The following LHX8 variants were observed in gnomAD, a reference collection of about 807,000 sequenced individuals.
The protein encoded by LHX8 is LIM/homeobox protein Lhx8.
A neutral mutation model predicts 40.3 loss-of-function variants in LHX8; 12 were observed. The ratio of observed to expected loss-of-function variants is 0.30; its 90% confidence interval spans 0.19 to 0.48. The LOEUF (loss-of-function observed/expected upper bound fraction) is 0.48. LHX8 is among the 20% of genes least tolerant of loss of function. LHX8 has a pLI of 0.99. For missense variants in LHX8, 344 were observed against 433.7 expected (o/e 0.79, Z 1.84); for synonymous variants, 179 against 162.0 (o/e 1.10, Z -0.80).
chr1:75,193,728 C>G, the LHX8 span, among the ~76,000 whole-genome samples: 2 of 152,186 alleles, frequency 1.3e-5, no homozygotes, highest in South Asian at 2.1e-4. Flanking sequence ...TAACTAGCTA[C>G]TTTGAGGATG....
the LHX8 span, among the ~76,000 whole-genome samples, chr1:75,184,037 G>A: frequency 4.6e-5 from 7 of 152,158 alleles, no homozygotes; most frequent in Non-Finnish European, 8.8e-5. Context: ...AAGAGGTCAT[G>A]ACAATAATGG....
the LHX8 span, among the ~76,000 whole-genome samples, chr1:75,188,536 T>A: frequency 1.3e-5 from 2 of 152,262 alleles, no homozygotes; most frequent in African/African-American, 4.8e-5. Flanking sequence ...AGCTTCACAG[T>A]TCTCTCTCTT....
At chr1:75,186,021 A>G in the LHX8 span, among the ~76,000 whole-genome samples, 1 of 152,206 alleles carries the variant, frequency 6.6e-6, no homozygotes, top group African/African-American at 2.4e-5. Context: ...GAGAATTACA[A>G]AACAATGCTC....
At chr1:75,163,404 A>T (rs1262179972), downstream of LHX8, among the ~76,000 whole-genome samples, 1 of 152,160 alleles carries the variant, frequency 6.6e-6, no homozygotes, top group African/African-American at 2.4e-5. Context: ...CAGTTAGCAA[A>T]AGTAATGTTT....
At chr1:75,139,486 C>T (rs528271251) in intron 3 of LHX8, among the ~76,000 whole-genome samples, 1 of 152,140 alleles carries the variant, frequency 6.6e-6, no homozygotes, top group South Asian at 2.1e-4. Flanking sequence ...GATTGAAATA[C>T]AGAAGGCCCT....
chr1:75,189,159 G>A, the LHX8 span, among the ~76,000 whole-genome samples: 2 of 152,146 alleles, frequency 1.3e-5, no homozygotes, highest in African/African-American at 4.8e-5. Flanking sequence ...TATCTTTATA[G>A]GGAACAGCTG....
intron 3 of LHX8, among the ~76,000 whole-genome samples, chr1:75,139,500 C>T (rs1404149271): frequency 6.6e-6 from 1 of 152,052 alleles, no homozygotes; most frequent in Non-Finnish European, 1.5e-5. Flanking sequence ...AGGCCCTAAA[C>T]AGTGGAATTT....
chr1:75,159,035 CT>C (rs1440465696), intron 8 of LHX8, among the ~76,000 whole-genome samples: 1 of 152,012 alleles, frequency 6.6e-6, no homozygotes, highest in Non-Finnish European at 1.5e-5. Flanking sequence ...TTAGACTTTT[CT>C]GTTTAGTAAT....
the LHX8 span, among the ~76,000 whole-genome samples, chr1:75,169,126 G>T: frequency 6.6e-6 from 1 of 152,082 alleles, no homozygotes; most frequent in African/African-American, 2.4e-5. Flanking sequence ...TCACACCCAT[G>T]CACCCCATTA....
At chr1:75,148,948 T>C (rs577442837) in intron 7 of LHX8, among the ~76,000 whole-genome samples, 2 of 152,334 alleles carry the variant, frequency 1.3e-5, no homozygotes, top group Admixed American at 1.3e-4. Context: ...TGTGAAAACA[T>C]TGCTTTTTCA....
chr1:75,173,862 A>G, the LHX8 span, among the ~76,000 whole-genome samples: 8 of 152,184 alleles, frequency 5.3e-5, no homozygotes, highest in African/African-American at 1.7e-4. Context: ...CTTTCCAACC[A>G]TGGTAGCTTC....
Position 75,134,750 on chromosome 1 carries a change from A to G in LHX8, c.-217A>G. 5.7e-6 allele frequency: 1 copy of G among 175,652 alleles called. No homozygotes were observed. The highest frequency in any genetic ancestry group is 1.1e-5 in the Non-Finnish European group (1 of 89,140). 10.9% of individuals were successfully genotyped at this position (175,652 alleles called of 1,614,324 possible). On this transcript the variant is annotated 5_prime_UTR_variant, in exon 1 of 9. Coordinates refer to ENST00000356261, the MANE Select transcript of LHX8 (RefSeq NM_001256114.2). Reference sequence around the variant, plus strand: ...ACCAGCTGAATCGCAGTGTCCTTGAAACTCGAGTTGTTTGGGCTCCTAAAC... The same window carrying G: ...ACCAGCTGAATCGCAGTGTCCTTGAGACTCGAGTTGTTTGGGCTCCTAAAC...
intron 2 of LHX8, 151 bp downstream of exon 2, chr1:75,136,840 G>GA: frequency 2.2e-6 from 1 of 448,660 alleles, no homozygotes; most frequent in Non-Finnish European, 4.2e-6. Flanking sequence ...GGTGGGGTGG[G>GA]AAGCTTAGCT....
the LHX8 span, among the ~76,000 whole-genome samples, chr1:75,186,706 G>A: frequency 3.3e-5 from 5 of 152,212 alleles, no homozygotes; most frequent in East Asian, 7.7e-4. Flanking sequence ...TAGCTTCCAA[G>A]GCAGCTTTGA....
intron 4 of LHX8, 120 bp from the exon 5 acceptor site, chr1:75,142,998 C>G (rs1458481031): frequency 2.6e-6 from 2 of 772,982 alleles, no homozygotes; most frequent in African/African-American, 1.7e-5. Context: ...TTCATTCTCA[C>G]AATATTTAAA....
At chr1:75,130,661 G>A, upstream of LHX8, 1 of 1,533,994 alleles carries the variant, frequency 6.5e-7, no homozygotes, top group Non-Finnish European at 9.0e-7. Flanking sequence ...CGGAGTCTGG[G>A]ACCGGTAAGT....
In LHX8 at chr1:75,137,122, A is replaced by G. The variant is rs373338242; in HGVS notation, c.98A>G (p.Asp33Gly). The G allele has an allele frequency of 3.0e-5, 48 of 1,607,478 alleles. No homozygotes were observed. Among genetic ancestry groups the G allele is most frequent in the Middle Eastern group, 1.9e-4 (1 of 5,386 alleles). Residue 33 changes from aspartate to glycine, a missense_variant, in exon 3 of 9, where the codon GAC becomes GGC. Physicochemically the swap from Asp to Gly is moderately conservative, Grantham distance 94 (BLOSUM62 -1). This residue lies in a region of LHX8 where 108 missense variants were observed against 90.1 expected (regional missense o/e 1.20). Transcript: ENST00000356261. ...EGLVSPEGAG[D>G]EDSCSSSAPL... is the part of the protein sequence containing the mutation. ...CAGGTGAGCCCCGAGGGAGCGGGGG[A>G]CGAGGACTCGTGCTCCTCCTCGGCC...
In LHX8 at chr1:75,136,634, G is replaced by A; in HGVS notation, c.20G>A (p.Arg7Gln). The change falls in exon 2 of 9, where the codon CGG becomes CAG. Residue 7 changes from arginine (R) to glutamine (Q), a missense_variant. By Grantham distance (43) the Arg-to-Gln change is conservative (BLOSUM62 1). Transcript: ENST00000356261. The stretch of plus-strand genomic sequence containing the variant: ...GGGCTCATGTCAGAGGAGTGCGGGC[G>A]GACTACAGCCCTGGCGGCCGGGAGG... The part of the protein sequence containing the change: MSEECG[R>Q]TTALAAGRTR... The A allele has an allele frequency of 1.3e-6, 2 of 1,549,856 alleles. No individual in the cohort carries two copies. Among genetic ancestry groups the A allele is most frequent in the Non-Finnish European group, 1.7e-6 (2 of 1,146,748 alleles).
At chr1:75,167,711 G>C in the LHX8 span, among the ~76,000 whole-genome samples, 1 of 152,160 alleles carries the variant, frequency 6.6e-6, no homozygotes, top group South Asian at 2.1e-4. Flanking sequence ...ATTCATGTTA[G>C]GGTTTCTAGG....
Sources: gnomAD v4.1 joint callset for allele counts (sites outside exome capture counted in the v4.1 genomes callset) on GRCh38, gnomAD v4.1.1 for gene constraint, gnomAD v4.1.1 regional missense constraint, MANE v1.5 for transcripts, NCBI Gene and HGNC (gene_info 2026-07-23, HGNC 2026-07-21) for gene names.